Variants in GRK5 observed in about 807,000 individuals in gnomAD.
GRK5 encodes G protein-coupled receptor kinase 5, also known as g protein-coupled receptor kinase GRK5.
Under a neutral mutation model 78.4 loss-of-function variants are expected in GRK5, and 40 were observed. The observed-to-expected ratio is 0.51, with a 90% confidence interval of 0.40 to 0.66. The LOEUF (loss-of-function observed/expected upper bound fraction) is 0.66. GRK5 is among the 30% of genes least tolerant of loss of function. GRK5 has a pLI of 0.00. For missense variants in GRK5, 598 were observed against 759.9 expected (o/e 0.79, Z 2.50); for synonymous variants, 289 against 296.8 (o/e 0.97, Z 0.27).
intron 3 of GRK5, among the ~76,000 whole-genome samples, chr10:119,387,021 T>A (rs1851809718): frequency 6.6e-6 from 1 of 152,164 alleles, no homozygotes; most frequent in Non-Finnish European, 1.5e-5. Flanking sequence ...TTTTTTTAAT[T>A]TGAGACAGAG....
At chr10:119,320,414 C>T (rs1031848381) in intron 1 of GRK5, among the ~76,000 whole-genome samples, 7 of 152,142 alleles carry the variant, frequency 4.6e-5, no homozygotes, top group African/African-American at 1.7e-4. Context: ...AGTCACTTGG[C>T]ACGTAGAGGT....
intron 4 of GRK5, among the ~76,000 whole-genome samples, chr10:119,421,503 C>A (rs561854026): frequency 2.0e-5 from 3 of 152,370 alleles, no homozygotes; most frequent in Admixed American, 2.0e-4. Flanking sequence ...GCCTGGGGCT[C>A]CTCCCATGAC....
intron 1 of GRK5, among the ~76,000 whole-genome samples, chr10:119,284,139 C>T (rs1360920891): frequency 6.6e-6 from 1 of 152,122 alleles, no homozygotes; most frequent in Admixed American, 6.5e-5. Context: ...TATGTCAGAG[C>T]CACTGTCTAG....
At chr10:119,328,069 A>C (rs1458151771) in intron 2 of GRK5, among the ~76,000 whole-genome samples, 1 of 152,148 alleles carries the variant, frequency 6.6e-6, no homozygotes, top group Admixed American at 6.5e-5. Flanking sequence ...GGAGTGGGTG[A>C]GATGAGACCA....
intron 3 of GRK5, among the ~76,000 whole-genome samples, chr10:119,394,265 TGTGTGTGGG>T: frequency 8.8e-6 from 1 of 113,264 alleles, no homozygotes; most frequent in Admixed American, 7.7e-5. Context: ...TGTATCTGTG[TGTGTGTGGG>T]CGTGTGTGTG....
intron 2 of GRK5, among the ~76,000 whole-genome samples, chr10:119,353,114 T>G (rs1446842571): frequency 1.3e-5 from 2 of 152,258 alleles, no homozygotes; most frequent in African/African-American, 4.8e-5. Flanking sequence ...CTTGTTCATG[T>G]GAAGAAGCCC....
At chr10:119,304,449 G>A (rs913988533) in intron 1 of GRK5, among the ~76,000 whole-genome samples, 8 of 152,076 alleles carry the variant, frequency 5.3e-5, no homozygotes, top group Admixed American at 1.3e-4. Context: ...GTGCCATCGC[G>A]CCTGGCTAAT....
intron 1 of GRK5, among the ~76,000 whole-genome samples, chr10:119,274,196 C>T (rs1410071474): frequency 6.6e-6 from 1 of 152,064 alleles, no homozygotes; most frequent in Non-Finnish European, 1.5e-5. Context: ...GAGGAGGGGA[C>T]ATGGGTGCTG....
chr10:119,246,683 C>T lies in GRK5; in HGVS notation c.52+38714C>T, dbSNP rs117985440. Reference sequence around the variant, plus strand: ...CAATGAGATGGCCCAGTTCAGACATCGGCTAGAATTGTGTGGCAGAGCGTA... The same window carrying T: ...CAATGAGATGGCCCAGTTCAGACATTGGCTAGAATTGTGTGGCAGAGCGTA... On this transcript the variant is annotated intron_variant, in intron 1 of 15. Coordinates refer to ENST00000392870, the MANE Select transcript of GRK5 (RefSeq NM_005308.3). 4.1e-4 allele frequency among the ~76,000 whole-genome samples: 62 copies of T among 152,314 alleles called. No individual in the cohort carries two copies. The East Asian group carries it at 6.2e-3, about 15-fold the overall frequency.
At chr10:119,210,808 G>C (rs1848474783) in intron 1 of GRK5, among the ~76,000 whole-genome samples, 1 of 152,180 alleles carries the variant, frequency 6.6e-6, no homozygotes, top group Non-Finnish European at 1.5e-5. Context: ...AGAAAGACAG[G>C]CACACTTTGA....
intron 1 of GRK5, among the ~76,000 whole-genome samples, chr10:119,314,760 C>T (rs983376041): frequency 3.9e-5 from 6 of 152,204 alleles, no homozygotes; most frequent in African/African-American, 9.7e-5. Flanking sequence ...CTCCTCCTGA[C>T]GCCACTAGAC....
intron 1 of GRK5, among the ~76,000 whole-genome samples, chr10:119,284,211 C>T (rs184547586): frequency 1.1e-4 from 16 of 152,070 alleles, no homozygotes; most frequent in Non-Finnish European, 2.1e-4. Flanking sequence ...ATTCTAGTAG[C>T]CACCTTTAGA....
intron 2 of GRK5, among the ~76,000 whole-genome samples, chr10:119,355,455 G>A (rs559010636): frequency 2.6e-5 from 4 of 152,242 alleles, no homozygotes; most frequent in African/African-American, 9.6e-5. Flanking sequence ...GTTTTCCAAT[G>A]TGGAAAATAT....
chr10:119,399,663 A>G (rs1852115170), intron 4 of GRK5, among the ~76,000 whole-genome samples: 1 of 152,264 alleles, frequency 6.6e-6, no homozygotes, highest in Admixed American at 6.5e-5. Flanking sequence ...ATGTGAGCAT[A>G]TTCAAGGCTC....
At chr10:119,442,777 G>A (rs965353693) in intron 11 of GRK5, among the ~76,000 whole-genome samples, 1 of 152,236 alleles carries the variant, frequency 6.6e-6, no homozygotes, top group Admixed American at 6.5e-5. Flanking sequence ...TCTGGTGCTA[G>A]AGGGTCCTTT....
intron 4 of GRK5, among the ~76,000 whole-genome samples, chr10:119,402,280 C>T (rs769321721): frequency 7.9e-5 from 12 of 152,120 alleles, no homozygotes; most frequent in Non-Finnish European, 1.8e-4. Flanking sequence ...CAGCCGTGAG[C>T]GTGGCTTGTC....
chr10:119,332,759 A>C (rs2133772085), intron 2 of GRK5, among the ~76,000 whole-genome samples: 1 of 152,174 alleles, frequency 6.6e-6, no homozygotes, highest in Middle Eastern at 3.4e-3. Flanking sequence ...TGTCCTTTGA[A>C]TAACACACGC....
At chr10:119,309,501 T>G (rs990353494) in intron 1 of GRK5, among the ~76,000 whole-genome samples, 2 of 152,220 alleles carry the variant, frequency 1.3e-5, no homozygotes, top group Non-Finnish European at 1.5e-5. Context: ...TGACCCTATG[T>G]GAGATCAAGA....
intron 4 of GRK5, among the ~76,000 whole-genome samples, chr10:119,416,608 T>C (rs7896049): frequency 0.44 from 66,446 of 150,150 alleles, 14,983 homozygotes; most frequent in East Asian, 0.57. Context: ...TTTTTTAATT[T>C]GAGACTGCTT....
Sources: allele counts gnomAD v4.1 joint callset (sites outside exome capture counted in the v4.1 genomes callset), GRCh38; gene constraint gnomAD v4.1.1; transcripts MANE v1.5; gene names NCBI Gene and HGNC (gene_info 2026-07-23, HGNC 2026-07-21).